Variants in TARS3 observed in about 807,000 individuals in gnomAD.
TARS3 encodes threonyl-tRNA synthetase 3, also known as threonine--tRNA ligase 2, cytoplasmic.
TARS3 carries 94 observed loss-of-function variants against 103.5 expected under a neutral mutation model. The observed-to-expected ratio is 0.91, with a 90% CI of 0.77 to 1.08. TARS3 has a LOEUF of 1.08. Among genes scored for constraint, TARS3 ranks in the 50% least tolerant of loss-of-function variants. TARS3 has a pLI of 0.00. For synonymous variants in TARS3, 416 were observed against 355.4 expected (o/e 1.17, Z -1.92); for missense variants, 952 against 995.2 (o/e 0.96, Z 0.58).
intron 16 of TARS3, among the ~76,000 whole-genome samples, chr15:101,661,410 T>C (rs1224871695): frequency 6.6e-6 from 1 of 150,768 alleles, no homozygotes; most frequent in South Asian, 2.1e-4. Context: ...TCTGAAGGGC[T>C]TGAAACAGGT....
intron 15 of TARS3, among the ~76,000 whole-genome samples, chr15:101,666,462 C>G (rs1596286450): frequency 1.0e-5 from 1 of 99,778 alleles, no homozygotes; most frequent in South Asian, 3.3e-4. Context: ...GGCAACAGAG[C>G]AAGACTCATC....
chr15:101,661,591 C>CT, intron 16 of TARS3, 121 bp downstream of exon 16: 1 of 620,066 alleles, frequency 1.6e-6, no homozygotes, highest in Non-Finnish European at 2.6e-6. Context: ...TTTGTTACTA[C>CT]TTTTTTCTTT....
chr15:101,687,713 C>A (rs937661095), intron 10 of TARS3, among the ~76,000 whole-genome samples: 1 of 152,128 alleles, frequency 6.6e-6, no homozygotes, highest in Non-Finnish European at 1.5e-5. Context: ...GTGTCTCCCC[C>A]AAAATTGTGA....
chr15:101,724,451 A>T lies in TARS3; in HGVS notation c.-64T>A. 5 of 1,353,630 alleles carry T rather than the reference A, an allele frequency of 3.7e-6. No homozygotes were observed. Among genetic ancestry groups the T allele is most frequent in the Non-Finnish European group, 3.8e-6 (4 of 1,060,574 alleles). The allele number at this position is 1,353,630 out of a possible 1,614,324, so 83.9% of individuals were successfully genotyped here. A position where few individuals can be genotyped will look rare whatever the true frequency, so the allele number is the denominator to read the frequency against. On this transcript the variant is annotated 5_prime_UTR_variant, in exon 1 of 19. Coordinates refer to ENST00000335968, the MANE Select transcript of TARS3 (RefSeq NM_152334.3). ...CGCGACTGCGGCGAGGGCGACGCGG[A>T]CACTCAGCGCACGGCAGAAGACAGG...
chr15:101,723,061 T>A, intron 2 of TARS3, 32 bp downstream of exon 2: 1 of 1,577,314 alleles, frequency 6.3e-7, no homozygotes, highest in Non-Finnish European at 8.7e-7. Flanking sequence ...TTACAGGTAG[T>A]ATTTTATATT....
intron 15 of TARS3, among the ~76,000 whole-genome samples, chr15:101,662,535 C>T (rs1490762972): frequency 6.6e-6 from 1 of 152,192 alleles, no homozygotes; most frequent in Admixed American, 6.5e-5. Flanking sequence ...ATTAAACCTA[C>T]TTCAAATGAG....
At chr15:101,684,441 T>A (rs1226421757) in intron 11 of TARS3, among the ~76,000 whole-genome samples, 2 of 152,176 alleles carry the variant, frequency 1.3e-5, no homozygotes, top group Non-Finnish European at 2.9e-5. Context: ...AAGATGCTTG[T>A]CTATTATCTC....
Position 101,702,377 on chromosome 15 carries a change from T to A in TARS3, c.1083A>T (p.Ser361=). 1.9e-6 allele frequency: 3 copies of A among 1,613,352 alleles called. No individual in the cohort carries two copies. The highest frequency in any genetic ancestry group is 2.5e-6 in the Non-Finnish European group (3 of 1,179,382). Residue 361 remains serine, a synonymous_variant, in exon 9 of 19, where the codon TCA becomes TCT. Coordinates refer to ENST00000335968, the MANE Select transcript of TARS3 (RefSeq NM_152334.3). ...IKTIKIFKNS[S]TYWEGNPEME... Reference sequence around the variant, plus strand: ...TTTCCGGATTGCCCTCCCAATATGTTGAGGAATTCTAAATATCAAAGAGGA... The same window carrying A: ...TTTCCGGATTGCCCTCCCAATATGTAGAGGAATTCTAAATATCAAAGAGGA...
intron 10 of TARS3, among the ~76,000 whole-genome samples, chr15:101,688,471 C>A (rs7179353): frequency 0.32 from 48,167 of 151,890 alleles, 8,425 homozygotes; most frequent in East Asian, 0.69. Context: ...CCTGGAAATA[C>A]CAGTTTAGGT....
rs186790121 is a variant in TARS3, at chr15:101,704,349, T to C, written c.996-412A>G. On this transcript the variant is annotated intron_variant, in intron 7 of 18. Coordinates refer to ENST00000335968, the MANE Select transcript of TARS3 (RefSeq NM_152334.3). ...ATTAGCATGAAAGGCTTCAATACTC[T>C]AATCTTTACATAGAAAGTCACAGGG... Among the ~76,000 whole-genome samples, 11 of 152,280 alleles carry C rather than the reference T, an allele frequency of 7.2e-5. No homozygotes were observed. The East Asian group carries it at 1.9e-3, about 27-fold the overall frequency.
In TARS3 at chr15:101,656,965, CTTA is replaced by C. The variant is rs1395956273; in HGVS notation, c.2214_2216del (p.Asn738del). 6.2e-7 allele frequency: 1 copy of C among 1,613,430 alleles called. No individual in the cohort carries two copies. The highest frequency in any genetic ancestry group is 1.7e-5 in the Admixed American group (1 of 59,956). ...GAGCCAGCTGTGCATTTCGTATTTTCTTATTTAGTGTACAACTGTGATCCAAGT... is the reference window on the plus strand; with the variant it reads ...GAGCCAGCTGTGCATTTCGTATTTTCTTTAGTGTACAACTGTGATCCAAGT... On this transcript the variant is annotated inframe_deletion, in exon 18 of 19. Transcript: ENST00000335968.
intron 15 of TARS3, among the ~76,000 whole-genome samples, chr15:101,670,684 A>C (rs919921966): frequency 6.6e-6 from 1 of 152,230 alleles, no homozygotes; most frequent in Non-Finnish European, 1.5e-5. Context: ...GAAAACTTCT[A>C]TTCACACAAA....
At chr15:101,703,778 T>A in intron 8 of TARS3, 81 bp downstream of exon 8, 1 of 822,034 alleles carries the variant, frequency 1.2e-6, no homozygotes, top group Non-Finnish European at 2.0e-6. Context: ...ACAAAAGATA[T>A]GATTGAATAA....
Position 101,705,743 on chromosome 15 carries a change from T to C in TARS3, c.935A>G (p.Asn312Ser), listed in dbSNP as rs745803256. ...KEILLEMFKYNKFKCRILNEK... is the reference protein window; with the variant it reads ...KEILLEMFKYSKFKCRILNEK... Reference sequence around the variant, plus strand: ...ATTCAGAATGCGGCATTTAAATTTATTGTACTACGAAGAAAAACATATTTA... The same window carrying C: ...ATTCAGAATGCGGCATTTAAATTTACTGTACTACGAAGAAAAACATATTTA... Residue 312 changes from asparagine to serine, a missense_variant, in exon 7 of 19, where the codon AAT becomes AGT. Coordinates refer to ENST00000335968, the MANE Select transcript of TARS3 (RefSeq NM_152334.3). The C allele has an allele frequency of 5.0e-6, 8 of 1,605,546 alleles. No homozygotes were observed. The highest frequency in any genetic ancestry group is 2.7e-5 in the African/African-American group (2 of 74,946).
At chr15:101,684,289 T>A (rs768713023) in intron 11 of TARS3, 52 bp from the exon 12 acceptor site, 1 of 1,459,606 alleles carries the variant, frequency 6.9e-7, no homozygotes, top group Non-Finnish European at 9.2e-7. Flanking sequence ...AAATATTAAA[T>A]AATTATCTAA....
intron 11 of TARS3, among the ~76,000 whole-genome samples, chr15:101,685,446 T>C (rs1358071620): frequency 6.6e-6 from 1 of 152,184 alleles, no homozygotes; most frequent in Non-Finnish European, 1.5e-5. Context: ...ATAAGATGCA[T>C]TTCAACTTCA....
chr15:101,712,570 T>G (rs1899921609), intron 4 of TARS3, among the ~76,000 whole-genome samples: 2 of 152,208 alleles, frequency 1.3e-5, no homozygotes, highest in African/African-American at 2.4e-5. Context: ...AGGGAACGTC[T>G]GCTGGCTGCC....
intron 15 of TARS3, among the ~76,000 whole-genome samples, chr15:101,667,862 G>A (rs920098934): frequency 1.3e-5 from 2 of 152,198 alleles, no homozygotes; most frequent in Non-Finnish European, 2.9e-5. Flanking sequence ...CCAAAGTGCT[G>A]GGATTACAGG....
At chr15:101,708,991 G>T in intron 5 of TARS3, 81 bp from the exon 6 acceptor site, 1 of 925,214 alleles carries the variant, frequency 1.1e-6, no homozygotes, top group Non-Finnish European at 1.6e-6. Flanking sequence ...AGCCTCAGCA[G>T]CCATAAATTT....
Sources: allele counts gnomAD v4.1 joint callset (sites outside exome capture counted in the v4.1 genomes callset), GRCh38; gene constraint gnomAD v4.1.1; transcripts MANE v1.5; gene names NCBI Gene and HGNC (gene_info 2026-07-23, HGNC 2026-07-21).